MTRES1: variants seen among roughly 807,000 people sequenced by gnomAD.
The protein encoded by MTRES1 is uncharacterized protein C6orf203.
MTRES1 carries 11 observed loss-of-function variants against 17.4 expected under a neutral mutation model. The ratio of observed to expected loss-of-function variants is 0.63; its 90% CI spans 0.40 to 1.05. The LOEUF (loss-of-function observed/expected upper bound fraction) is 1.05, where lower values mean the gene tolerates loss of function less well. MTRES1 is among the 50% of genes least tolerant of loss of function. MTRES1 has a pLI of 0.00. For missense variants in MTRES1, 268 were observed against 276.2 expected, an observed-to-expected ratio of 0.97 and a Z score of 0.21; for synonymous variants, 94 against 99.6, an observed-to-expected ratio of 0.94 and a Z score of 0.34.
chr6:107,046,274 C>T (rs548362299), intron 3 of MTRES1, among the ~76,000 whole-genome samples: 4 of 152,186 alleles, frequency 2.6e-5, no homozygotes, highest in African/African-American at 9.6e-5. Context: ...CCTGAACACC[C>T]TGTCTCTGTG....
In MTRES1 at chr6:107,050,605, C is replaced by T. The variant is rs1015234517; in HGVS notation, c.544-452C>T. On this transcript the variant is annotated intron_variant, in intron 3 of 3. Coordinates refer to ENST00000311381, the MANE Select transcript of MTRES1 (RefSeq NM_016487.5). The stretch of plus-strand genomic sequence containing the variant: ...TTTTTTCGTTTTTTTGAGATGGAGT[C>T]TCCCTCTGTCGCCCGGGCTGGCATG... 1.5e-4 allele frequency among the ~76,000 whole-genome samples: 20 copies of T among 136,958 alleles called. No homozygotes were observed. In the South Asian group the frequency reaches 2.1e-3, roughly 14 times the overall value. 89.8% of individuals were successfully genotyped at this position (136,958 alleles called of 152,430 possible). A position where few individuals can be genotyped will look rare whatever the true frequency, so the allele number is the denominator to read the frequency against.
At chr6:107,034,075 C>T (rs1773929925) in intron 1 of MTRES1, among the ~76,000 whole-genome samples, 1 of 152,140 alleles carries the variant, frequency 6.6e-6, no homozygotes, top group Non-Finnish European at 1.5e-5. Flanking sequence ...CGTGGCTTGA[C>T]ATTTTGGTAT....
chr6:107,051,581 G>C lies in MTRES1; in HGVS notation c.*345G>C, dbSNP rs1554229268. ...CACTGTAAAATAAACTGGCCTTGTT[G>C]TCTTAGTGTTTTTATTTAAAATGTT... On this transcript the variant is annotated 3_prime_UTR_variant, in exon 4 of 4. Coordinates refer to ENST00000311381, the MANE Select transcript of MTRES1 (RefSeq NM_016487.5). Among the ~76,000 whole-genome samples, 1 of 152,184 alleles carries C rather than the reference G, an allele frequency of 6.6e-6. No homozygotes were observed. Among genetic ancestry groups the C allele is most frequent in the Non-Finnish European group, 1.5e-5 (1 of 68,026 alleles).
intron 1 of MTRES1, among the ~76,000 whole-genome samples, chr6:107,029,448 C>A (rs9398113): frequency 0.2 from 29,746 of 151,022 alleles, 4,358 homozygotes; most frequent in African/African-American, 0.4. Context: ...AAGCCTCCGA[C>A]AGTGCTGGGA....
intron 1 of MTRES1, chr6:107,029,947 T>G: frequency 1.6e-6 from 1 of 638,416 alleles, no homozygotes; most frequent in Non-Finnish European, 2.8e-6. Context: ...TCCACTTTCT[T>G]CCCCCAGTGC....
At chr6:107,033,689 G>C (rs1582594323) in intron 1 of MTRES1, among the ~76,000 whole-genome samples, 1 of 152,052 alleles carries the variant, frequency 6.6e-6, no homozygotes, top group Admixed American at 6.6e-5. Context: ...GTGGTGGCGG[G>C]TGCCTGTACT....
intron 1 of MTRES1, among the ~76,000 whole-genome samples, chr6:107,030,324 C>T (rs782333990): frequency 2.6e-5 from 4 of 152,126 alleles, no homozygotes; most frequent in Non-Finnish European, 5.9e-5. Context: ...TATGTGCCCA[C>T]GTGGAGGTGT....
intron 1 of MTRES1, among the ~76,000 whole-genome samples, chr6:107,038,525 G>T (rs778553912): frequency 1.3e-5 from 2 of 152,168 alleles, no homozygotes; most frequent in African/African-American, 2.4e-5. Flanking sequence ...TTCCTTGTCT[G>T]CTAGTTAATG....
At chr6:107,046,988 G>C (rs1416732809) in intron 3 of MTRES1, among the ~76,000 whole-genome samples, 1 of 148,972 alleles carries the variant, frequency 6.7e-6, no homozygotes, top group Non-Finnish European at 1.5e-5. Context: ...ATTTTTAGTA[G>C]AGACGGGGTT....
intron 1 of MTRES1, among the ~76,000 whole-genome samples, chr6:107,038,246 A>G (rs1400893571): frequency 3.3e-5 from 5 of 152,202 alleles, no homozygotes; most frequent in African/African-American, 4.8e-5. Context: ...AATCAGAGGT[A>G]TCAATCCTAA....
At chr6:107,033,958 T>A (rs1773926372) in intron 1 of MTRES1, among the ~76,000 whole-genome samples, 1 of 152,198 alleles carries the variant, frequency 6.6e-6, no homozygotes, top group East Asian at 1.9e-4. Flanking sequence ...ATTTTATGTT[T>A]TTAATGAATT....
chr6:107,044,141 T>C (rs1237565302), intron 2 of MTRES1, 119 bp from the exon 3 acceptor site: 1 of 664,572 alleles, frequency 1.5e-6, no homozygotes, highest in African/African-American at 1.9e-5. Flanking sequence ...ACAAAAAAAA[T>C]AGATTTGAGG....
At chr6:107,036,104 T>C (rs1773998693) in intron 1 of MTRES1, among the ~76,000 whole-genome samples, 1 of 152,170 alleles carries the variant, frequency 6.6e-6, no homozygotes, top group Non-Finnish European at 1.5e-5. Context: ...AATGTATTAT[T>C]AATGCCCCGA....
At chr6:107,044,572 A>T (rs539862367) in intron 3 of MTRES1, among the ~76,000 whole-genome samples, 3 of 152,166 alleles carry the variant, frequency 2.0e-5, no homozygotes, top group East Asian at 3.9e-4. Context: ...AGAATACACC[A>T]CTGTTAGAAC....
At chr6:107,030,742 A>T (rs9400078) in intron 1 of MTRES1, among the ~76,000 whole-genome samples, 19,075 of 152,114 alleles carry the variant, frequency 0.13, 1,676 homozygotes, top group East Asian at 0.35. Context: ...AGCCACTCTT[A>T]TCCAGGTGGG....
chr6:107,049,404 CCTT>C (rs1774509669), intron 3 of MTRES1, among the ~76,000 whole-genome samples: 2 of 144,670 alleles, frequency 1.4e-5, no homozygotes, highest in African/African-American at 2.5e-5. Flanking sequence ...TCTGTATGGC[CCTT>C]CTTTTTTTTT....
Position 107,032,232 on chromosome 6 carries a change from C to T in MTRES1, c.-13+3961C>T, listed in dbSNP as rs1451693132. On this transcript the variant is annotated intron_variant, in intron 1 of 3. Coordinates refer to ENST00000311381, the MANE Select transcript of MTRES1 (RefSeq NM_016487.5). ...AACAGCATCCTCTCCTTTACTATAGCCACCCCCACGTTGATTCATTTCCTC... is the reference window on the plus strand; with the variant it reads ...AACAGCATCCTCTCCTTTACTATAGTCACCCCCACGTTGATTCATTTCCTC... 4.6e-5 allele frequency among the ~76,000 whole-genome samples: 7 copies of T among 152,142 alleles called. No homozygotes were observed. The East Asian group carries it at 1.3e-3, about 29-fold the overall frequency.
rs562107376 is a variant in MTRES1, at chr6:107,051,186, T to A, written c.673T>A (p.Leu225Ile). ...KTESEKYRVV[L>I]RRWKSLKLPK... is the part of the protein sequence containing the mutation. ...TGAAAGTGAAAAATACAGAGTGGTG[T>A]TACGGCGGTGGAAAAGTTTAAAGTT... The change falls in exon 4 of 4, where the codon TTA becomes ATA. Residue 225 changes from leucine to isoleucine, a missense_variant. Leu to Ile is a conservative substitution (Grantham distance 5). Coordinates refer to ENST00000311381, the MANE Select transcript of MTRES1 (RefSeq NM_016487.5). 1.3e-4 allele frequency: 209 copies of A among 1,614,060 alleles called. No homozygotes were observed. The South Asian group carries it at 2.1e-3, about 16-fold the overall frequency.
intron 2 of MTRES1, among the ~76,000 whole-genome samples, chr6:107,042,339 CAAAAAAA>C (rs58406771): frequency 8.1e-5 from 8 of 98,726 alleles, no homozygotes; most frequent in African/African-American, 1.3e-4. Context: ...GACTCCGTCT[CAAAAAAA>C]AAAAAAAAAA....
Sources: allele counts gnomAD v4.1 joint callset (sites outside exome capture counted in the v4.1 genomes callset), GRCh38; gene constraint gnomAD v4.1.1; transcripts MANE v1.5; gene names NCBI Gene and HGNC (gene_info 2026-07-23, HGNC 2026-07-21).